TMIGD3: variants seen among roughly 807,000 people sequenced by gnomAD.
TMIGD3 encodes transmembrane and immunoglobulin domain containing 3, also known as AD026 protein (AD026).
A neutral mutation model predicts 28.1 loss-of-function variants in TMIGD3; 21 were observed. The ratio of observed to expected loss-of-function variants is 0.75; its 90% CI spans 0.53 to 1.08. The LOEUF (loss-of-function observed/expected upper bound fraction) is 1.08, where lower values mean the gene tolerates loss of function less well. Among genes scored for constraint, TMIGD3 ranks in the 50% least tolerant of loss-of-function variants. TMIGD3 has a pLI of 0.00. For synonymous variants in TMIGD3, 151 were observed against 162.1 expected (o/e 0.93, Z 0.52); for missense variants, 416 against 435.6 (o/e 0.96, Z 0.40).
chr1:111,533,850 G>A (rs995627952), intron 1 of TMIGD3, among the ~76,000 whole-genome samples: 2 of 152,112 alleles, frequency 1.3e-5, no homozygotes, highest in East Asian at 1.9e-4. Flanking sequence ...CACCATGTCC[G>A]GCCAGTACAG....
intron 1 of TMIGD3, among the ~76,000 whole-genome samples, chr1:111,520,130 C>A (rs1197478947): frequency 1.3e-5 from 2 of 152,200 alleles, no homozygotes; most frequent in African/African-American, 4.8e-5. Flanking sequence ...ACAACAACAA[C>A]TAATAGTAAA....
chr1:111,542,335 G>C (rs1183112901), intron 1 of TMIGD3: 2 of 437,908 alleles, frequency 4.6e-6, no homozygotes, highest in Admixed American at 4.7e-5. Context: ...AAGTGTCTGT[G>C]TGGCTCCTTC....
At chr1:111,516,648 C>T (rs918590585) in intron 1 of TMIGD3, among the ~76,000 whole-genome samples, 1 of 152,150 alleles carries the variant, frequency 6.6e-6, no homozygotes, top group African/African-American at 2.4e-5. Flanking sequence ...TCTGAGAAGG[C>T]CTCAGCTCCC....
rs145393741 is a variant in TMIGD3 at position 111,495,741 on chromosome 1, C to T, written c.351-4979G>A. ...ATGTGTATGTTCACAATAGCAAAGA[C>T]ATGGAATCAACCTAAATGCCCATCA... On this transcript the variant is annotated intron_variant, in intron 1 of 5. Transcript: ENST00000369716. 3.7e-3 allele frequency among the ~76,000 whole-genome samples: 557 copies of T among 152,260 alleles called. 4 individuals are homozygous for T. The highest frequency in any genetic ancestry group is 0.013 in the African/African-American group (535 of 41,534).
intron 1 of TMIGD3, among the ~76,000 whole-genome samples, chr1:111,529,472 A>G (rs555989392): frequency 2.0e-4 from 30 of 150,138 alleles, no homozygotes; most frequent in African/African-American, 6.6e-4. Flanking sequence ...CAGATAAACA[A>G]GTGAACAAAG....
intron 1 of TMIGD3, among the ~76,000 whole-genome samples, chr1:111,524,655 T>C (rs1656202112): frequency 6.6e-6 from 1 of 152,196 alleles, no homozygotes. Flanking sequence ...AATTTCACTC[T>C]GTCGCCCAGG....
At position 111,497,357 on chromosome 1, in the gene TMIGD3, A is replaced by T. The variant is rs2800888; in HGVS notation, c.350+5648T>A. 1.2e-4 allele frequency among the ~76,000 whole-genome samples: 19 copies of T among 152,036 alleles called. No homozygotes were observed. The South Asian group carries it at 3.9e-3, about 32-fold the overall frequency. Reference sequence around the variant, plus strand: ...GATCTCCTGACCTCGTGATCCGCCCACCTCGGCCTCCCAAAGTGCTGGGAT... The same window carrying T: ...GATCTCCTGACCTCGTGATCCGCCCTCCTCGGCCTCCCAAAGTGCTGGGAT... On this transcript the variant is annotated intron_variant, in intron 1 of 5. Transcript: ENST00000369716.
chr1:111,512,425 T>C (rs529461841), intron 1 of TMIGD3, among the ~76,000 whole-genome samples: 15 of 152,404 alleles, frequency 9.8e-5, no homozygotes, highest in Middle Eastern at 3.4e-3. Context: ...TGTTTCTGAA[T>C]ATGCTGTGTC....
At chr1:111,548,651 G>T (rs1657129887) in intron 1 of TMIGD3, among the ~76,000 whole-genome samples, 2 of 152,180 alleles carry the variant, frequency 1.3e-5, no homozygotes, top group Admixed American at 1.3e-4. Flanking sequence ...TCACAAACAA[G>T]ATTAATTTTT....
intron 3 of TMIGD3, among the ~76,000 whole-genome samples, 151 bp downstream of exon 3, chr1:111,488,524 CTA>C (rs557153922): frequency 1.2e-3 from 190 of 152,270 alleles, no homozygotes; most frequent in Non-Finnish European, 2.0e-3. Context: ...AATGACCACC[CTA>C]TGTTTGCCGG....
In TMIGD3 at chr1:111,503,230, C is replaced by T. The variant is rs767917324; in HGVS notation, c.125G>A (p.Ser42Asn). 6 of 1,614,098 alleles carry T rather than the reference C, an allele frequency of 3.7e-6. No individual in the cohort carries two copies. In the African/African-American group the frequency reaches 6.7e-5, roughly 18 times the overall value. Residue 42 changes from serine to asparagine, a missense_variant, in exon 1 of 6, where the codon AGC (serine) becomes AAC (asparagine). By Grantham distance (46) the Ser-to-Asn change is conservative. Transcript: ENST00000369716. ...GAAATAGAAGGTGGTGGTCTGCAGG[C>T]TGGGGTTCAGCTTGACCACGCAGAT... The part of the protein sequence containing the change: ...LVICVVKLNP[S>N]LQTTTFYFIV...
At position 111,499,030 on chromosome 1, in the gene TMIGD3, G is replaced by T. The variant is rs1413424354; in HGVS notation, c.350+3975C>A. On this transcript the variant is annotated intron_variant, in intron 1 of 5. Transcript: ENST00000369716. ...CCCTTGAGCCAGGGATGTTGAGGCT[G>T]CAATGATCTGCGATCGAGCCACTAC... is the stretch of plus-strand genomic sequence containing the variant. 2.0e-5 allele frequency among the ~76,000 whole-genome samples: 3 copies of T among 148,988 alleles called. No individual in the cohort carries two copies. The East Asian group carries it at 5.9e-4, about 29-fold the overall frequency.
At chr1:111,492,426 C>T (rs1654707274) in intron 1 of TMIGD3, among the ~76,000 whole-genome samples, 1 of 152,314 alleles carries the variant, frequency 6.6e-6, no homozygotes, top group Admixed American at 6.5e-5. Flanking sequence ...AACAAACACA[C>T]TCAGCATTGC....
chr1:111,542,307 G>C, intron 1 of TMIGD3: 1 of 517,926 alleles, frequency 1.9e-6, no homozygotes, highest in East Asian at 5.0e-5. Flanking sequence ...CGCGACAAGA[G>C]CAAAGAAGTT....
intron 1 of TMIGD3, among the ~76,000 whole-genome samples, chr1:111,502,126 GAT>G (rs1173350107): frequency 1.6e-5 from 1 of 62,062 alleles, no homozygotes; most frequent in Non-Finnish European, 3.4e-5. Context: ...AAATATATAG[GAT>G]ATATATTTAA....
intron 1 of TMIGD3, among the ~76,000 whole-genome samples, chr1:111,546,325 A>G (rs1486276013): frequency 2.0e-5 from 3 of 152,262 alleles, no homozygotes; most frequent in South Asian, 4.1e-4. Flanking sequence ...CATTAAGTAC[A>G]TTTACATTGT....
In TMIGD3 at chr1:111,485,713, C is replaced by A. The variant is rs764354686; in HGVS notation, c.973+27G>T. On this transcript the variant is annotated intron_variant, in intron 5 of 5. Transcript: ENST00000369716. ...TTTCATTTTCTCTAATTCTTGCCCA[C>A]CCCCTCCCTCAACAATAGCTACTTA... is the stretch of plus-strand genomic sequence containing the variant. 12 of 1,060,296 alleles carry A rather than the reference C, an allele frequency of 1.1e-5. No homozygotes were observed. In the East Asian group the frequency reaches 2.5e-4, roughly 22 times the overall value. The allele number at this position is 1,060,296 out of a possible 1,614,324, so 65.7% of individuals were successfully genotyped here.
chr1:111,507,778 C>G (rs569082930), upstream of TMIGD3, among the ~76,000 whole-genome samples: 3 of 152,342 alleles, frequency 2.0e-5, no homozygotes, highest in South Asian at 4.1e-4. Flanking sequence ...TTCCCCAAAG[C>G]CTTACATTTT....
chr1:111,503,741 G>C, upstream of TMIGD3: 1 of 1,027,014 alleles, frequency 9.7e-7, no homozygotes, highest in South Asian at 3.7e-5. Flanking sequence ...ACCCTCTTCA[G>C]GGGTGTTTCA....
Sources: allele counts gnomAD v4.1 joint callset (sites outside exome capture counted in the v4.1 genomes callset), GRCh38; gene constraint gnomAD v4.1.1; transcripts MANE v1.5; gene names NCBI Gene and HGNC (gene_info 2026-07-23, HGNC 2026-07-21).